Variants in AFF3 observed in about 807,000 individuals in gnomAD.
The protein encoded by AFF3 is ALF transcription elongation factor 3, also known as AF4/FMR2 family member 3.
In AFF3, 32 loss-of-function variants were observed where a neutral mutation model predicts 129.7. That is an observed-to-expected ratio of 0.25 (90% confidence interval 0.19 to 0.33). AFF3 has a LOEUF of 0.33. Ranked by LOEUF, AFF3 falls within the 10% of genes least tolerant of loss-of-function variation. The pLI, the probability that AFF3 is intolerant of heterozygous loss-of-function variation, is 1.00. For synonymous variants in AFF3, 644 were observed against 635.4 expected, an observed-to-expected ratio of 1.01 and a Z score of -0.20; for missense variants, 1,373 against 1,592.0, an observed-to-expected ratio of 0.86 and a Z score of 2.34.
chr2:100,036,160 A>C lies in AFF3; in HGVS notation c.54-27228T>G, dbSNP rs953041813. On this transcript the variant is annotated intron_variant, in intron 4 of 24. Coordinates refer to ENST00000672756, the MANE Select transcript of AFF3 (RefSeq NM_001386135.1). ...AAAAAAAAAAAAAAAAAAAAAAAAA[A>C]CAACTTTCTCAAAGTCTTTCCTGGC... Among the ~76,000 whole-genome samples the C allele has an allele frequency of 1.0e-4, 11 of 104,978 alleles. No individual in the cohort carries two copies. In the East Asian group the frequency reaches 1.7e-3, roughly 16 times the overall value. 68.9% of individuals were successfully genotyped at this position (104,978 alleles called of 152,430 possible). A position where few individuals can be genotyped will look rare whatever the true frequency, so the allele number is the denominator to read the frequency against.
intron 7 of AFF3, among the ~76,000 whole-genome samples, chr2:99,919,347 T>A (rs1695700712): frequency 6.6e-6 from 1 of 152,178 alleles, no homozygotes; most frequent in Non-Finnish European, 1.5e-5. Context: ...AAATCTGTTT[T>A]ATGCCCTCTT....
chr2:99,642,328 T>C (rs1684284532), intron 13 of AFF3, among the ~76,000 whole-genome samples: 1 of 152,062 alleles, frequency 6.6e-6, no homozygotes, highest in Non-Finnish European at 1.5e-5. Flanking sequence ...ACTTTTGGAC[T>C]GAGTTTTTTT....
At chr2:99,734,366 CT>C (rs35599718) in intron 10 of AFF3, among the ~76,000 whole-genome samples, 7 of 151,642 alleles carry the variant, frequency 4.6e-5, no homozygotes, top group African/African-American at 1.7e-4. Context: ...CTAACAGGTA[CT>C]TTTTTTTCTT....
intron 7 of AFF3, among the ~76,000 whole-genome samples, chr2:99,881,725 A>G (rs116031813): frequency 3.4e-3 from 513 of 152,332 alleles, no homozygotes; most frequent in Middle Eastern, 0.01. Flanking sequence ...CTCAATGGAA[A>G]AGGATTAGTG....
chr2:99,950,002 T>A (rs1220754674), intron 7 of AFF3, among the ~76,000 whole-genome samples: 1 of 152,226 alleles, frequency 6.6e-6, no homozygotes. Flanking sequence ...AACCATGAAA[T>A]GATATCCAGG....
rs1160919347 is a variant in AFF3, at chr2:99,594,086, G to A, written c.1575C>T (p.Ser525=). 6.2e-7 allele frequency: 1 copy of A among 1,614,000 alleles called. No homozygotes were observed. Among genetic ancestry groups the A allele is most frequent in the Non-Finnish European group, 8.5e-7 (1 of 1,179,952 alleles). ...QPSLREKEIK[S]TCKEEQRPRT... ...TTGGCCTTTGCTCCTCCTTGCAAGT[G>A]CTCTTGATCTCCTTCTCTCTCAGGC... The change falls in exon 15 of 25, where the codon AGC becomes AGT. Residue 525 remains serine (S), a synonymous_variant. Coordinates refer to ENST00000672756, the MANE Select transcript of AFF3 (RefSeq NM_001386135.1).
chr2:99,547,496 T>TTGC lies in AFF3; in HGVS notation c.*3977_*3978insGCA, dbSNP rs1491540328. 1.5e-4 allele frequency: 7 copies of TTGC among 45,348 alleles called. No homozygotes were observed. Among genetic ancestry groups the TTGC allele is most frequent in the African/African-American group, 6.1e-4 (7 of 11,396 alleles). The allele number at this position is 45,348 out of a possible 1,614,324, so 2.8% of individuals were successfully genotyped here. A position where few individuals can be genotyped will look rare whatever the true frequency, so the allele number is the denominator to read the frequency against. On this transcript the variant is annotated 3_prime_UTR_variant, in exon 25 of 25. Coordinates refer to ENST00000672756, the MANE Select transcript of AFF3 (RefSeq NM_001386135.1). ...GTCTACATTGTTAAAAAAATCTTGC[T>TTGC]TTTTTTTTTTTTTGGTGATGCAGAT...
At chr2:100,107,141 A>G (rs1241184660) in intron 2 of AFF3, 12 of 985,318 alleles carry the variant, frequency 1.2e-5, no homozygotes, top group Middle Eastern at 5.2e-4. Context: ...TTTTCATGTA[A>G]TAGTGTCTTG....
At chr2:99,980,452 T>C (rs2104501791) in intron 7 of AFF3, among the ~76,000 whole-genome samples, 1 of 152,326 alleles carries the variant, frequency 6.6e-6, no homozygotes, top group East Asian at 1.9e-4. Context: ...GGCAATGATT[T>C]CTCTTTCCCA....
At chr2:100,004,013 A>G (rs779482022) in intron 7 of AFF3, among the ~76,000 whole-genome samples, 2 of 151,746 alleles carry the variant, frequency 1.3e-5, no homozygotes, top group Non-Finnish European at 2.9e-5. Flanking sequence ...ATTGCATTGC[A>G]CCTAGTTATT....
chr2:99,780,145 C>T (rs970910780), intron 8 of AFF3, among the ~76,000 whole-genome samples: 2 of 152,274 alleles, frequency 1.3e-5, no homozygotes, highest in Non-Finnish European at 2.9e-5. Context: ...GACCTCACAG[C>T]AGACTAGAGC....
intron 9 of AFF3, among the ~76,000 whole-genome samples, chr2:99,745,271 G>C (rs775718915): frequency 1.3e-4 from 20 of 152,116 alleles, no homozygotes; most frequent in Admixed American, 5.9e-4. Context: ...TTGGATACTA[G>C]ACTGTTACCA....
chr2:99,999,260 A>G (rs1178126336), intron 7 of AFF3, among the ~76,000 whole-genome samples: 1 of 152,212 alleles, frequency 6.6e-6, no homozygotes, highest in African/African-American at 2.4e-5. Context: ...TCGCTTTGTA[A>G]CAGCAGCTAT....
intron 7 of AFF3, among the ~76,000 whole-genome samples, chr2:100,004,968 T>G (rs1681829035): frequency 1.3e-5 from 2 of 152,080 alleles, no homozygotes; most frequent in South Asian, 4.1e-4. Context: ...GGACAAAAAG[T>G]TAGGAAGAGG....
At chr2:99,959,489 A>G (rs1214988248) in intron 7 of AFF3, among the ~76,000 whole-genome samples, 1 of 151,712 alleles carries the variant, frequency 6.6e-6, no homozygotes, top group African/African-American at 2.4e-5. Flanking sequence ...CACATCTAAC[A>G]CATATTTCCA....
At chr2:99,928,188 T>C (rs1696414157) in intron 7 of AFF3, among the ~76,000 whole-genome samples, 1 of 152,182 alleles carries the variant, frequency 6.6e-6, no homozygotes, top group Non-Finnish European at 1.5e-5. Context: ...GAAAACAGAC[T>C]TATACAGAGG....
At chr2:99,928,033 T>C (rs1179991165) in intron 7 of AFF3, among the ~76,000 whole-genome samples, 1 of 152,074 alleles carries the variant, frequency 6.6e-6, no homozygotes, top group African/African-American at 2.4e-5. Flanking sequence ...CTCTGCCTGC[T>C]GCCATCCACA....
At chr2:99,802,461 G>A (rs1412873451) in intron 8 of AFF3, among the ~76,000 whole-genome samples, 1 of 152,146 alleles carries the variant, frequency 6.6e-6, no homozygotes, top group African/African-American at 2.4e-5. Context: ...AGGAGTTTGA[G>A]ACCTGCCTGG....
intron 4 of AFF3, among the ~76,000 whole-genome samples, chr2:100,066,873 C>G (rs573992054): frequency 6.6e-6 from 1 of 152,172 alleles, no homozygotes; most frequent in Non-Finnish European, 1.5e-5. Flanking sequence ...AATTAATCCA[C>G]GCAGCCCCTC....
Sources: gnomAD v4.1 joint callset for allele counts (sites outside exome capture counted in the v4.1 genomes callset) on GRCh38, gnomAD v4.1.1 for gene constraint, MANE v1.5 for transcripts, NCBI Gene and HGNC (gene_info 2026-07-23, HGNC 2026-07-21) for gene names.